WDR87: variants seen among roughly 807,000 people sequenced by gnomAD.
WDR87 encodes WD repeat domain 87, also known as WD repeat-containing protein 87.
Under a neutral mutation model 83.3 loss-of-function variants are expected in WDR87, and 56 were observed. That is an observed-to-expected ratio of 0.67 (90% CI 0.54 to 0.84). The LOEUF is 0.84. WDR87 is among the 40% of genes least tolerant of loss of function. The pLI is 0.00. For synonymous variants in WDR87, 1,173 were observed against 1,250.6 expected (o/e 0.94, Z 1.31); for missense variants, 2,939 against 3,431.9 (o/e 0.86, Z 3.59).
intron 2 of WDR87, 145 bp from the exon 3 acceptor site, chr19:37,896,453 T>C: frequency 3.8e-6 from 3 of 798,072 alleles, no homozygotes; most frequent in Non-Finnish European, 5.9e-6. Flanking sequence ...GTGCATAACT[T>C]ATCACCTGTG....
chr19:37,896,538 T>A (rs541994553), intron 2 of WDR87, among the ~76,000 whole-genome samples: 27 of 152,324 alleles, frequency 1.8e-4, no homozygotes, highest in African/African-American at 6.3e-4. Context: ...AGTCTCTGTG[T>A]GCAAATTTCA....
Position 37,888,590 on chromosome 19 carries a change from G to A in WDR87, c.5081C>T (p.Ala1694Val), listed in dbSNP as rs141440839. ...CTTCCTTTTCTGGGCCAATTTCTCCGCCTCCTGGCTTAGCTTCTCCCCTCT... is the reference window on the plus strand; with the variant it reads ...CTTCCTTTTCTGGGCCAATTTCTCCACCTCCTGGCTTAGCTTCTCCCCTCT... ...AQRGEKLSQE[A>V]EKLAQKRKKL... The change falls in exon 6 of 6, where the codon GCG (alanine) becomes GTG (valine). Residue 1694 changes from alanine to valine, a missense_variant. This residue lies in a region of WDR87 where 2,160 missense variants were observed against 2,533.1 expected (regional missense o/e 0.85). Coordinates refer to ENST00000447313, the MANE Select transcript of WDR87 (RefSeq NM_001291088.2). 1.3e-4 allele frequency: 205 copies of A among 1,551,436 alleles called. No individual in the cohort carries two copies. Among genetic ancestry groups the A allele is most frequent in the Non-Finnish European group, 1.6e-4 (181 of 1,146,976 alleles).
intron 1 of WDR87, among the ~76,000 whole-genome samples, chr19:37,905,098 GGCGCCTGCCTGTAATCCCA>G (rs2046315928): frequency 6.6e-6 from 1 of 152,030 alleles, no homozygotes; most frequent in South Asian, 2.1e-4. Flanking sequence ...TGGGTGTGAT[GGCGCCTGCCTGTAATCCCA>G]GCTACTTGGG....
intron 1 of WDR87, 62 bp from the exon 2 acceptor site, chr19:37,898,347 A>G (rs1342135939): frequency 6.7e-7 from 1 of 1,492,210 alleles, no homozygotes; most frequent in Admixed American, 2.5e-5. Flanking sequence ...TAGGAATCAG[A>G]AAGCAACAAC....
At chr19:37,902,623 A>T (rs1210591536) in intron 1 of WDR87, among the ~76,000 whole-genome samples, 1 of 152,250 alleles carries the variant, frequency 6.6e-6, no homozygotes, top group East Asian at 1.9e-4. Flanking sequence ...ATTCCTGCTG[A>T]CTGTGGAGAC....
Position 37,888,716 on chromosome 19 carries a change from T to C in WDR87, c.4955A>G (p.Glu1652Gly), listed in dbSNP as rs1331620077. Residue 1652 changes from glutamate to glycine, a missense_variant, in exon 6 of 6, where the codon GAG becomes GGG. By Grantham distance (98) the Glu-to-Gly change is moderately conservative (BLOSUM62 -2). Transcript: ENST00000447313. The stretch of plus-strand genomic sequence containing the variant: ...CACGTATGCCTGGGCCAGTTTTCTC[T>C]CTTCCTGGGCCAACTGTCTCTCTTC... ...AQEERQLAQEERKLAQAYVKI... is the reference protein window; with the variant it reads ...AQEERQLAQEGRKLAQAYVKI... 1.2e-5 allele frequency: 19 copies of C among 1,551,796 alleles called. No homozygotes were observed. The highest frequency in any genetic ancestry group is 1.6e-5 in the Non-Finnish European group (18 of 1,147,080).
intron 2 of WDR87, among the ~76,000 whole-genome samples, chr19:37,897,573 GCCT>G (rs755401037): frequency 5.9e-5 from 9 of 152,032 alleles, no homozygotes; most frequent in Non-Finnish European, 1.3e-4. Context: ...TTTCTCTGGT[GCCT>G]CCTCCCCTGT....
Position 37,889,326 on chromosome 19 carries a change from C to G in WDR87, c.4345G>C (p.Glu1449Gln). ...CTCTTTATTTTTCCTACTTTTCTTTCCTTCTGGACAGCTTTCCTCCCTTGC... is the reference window on the plus strand; with the variant it reads ...CTCTTTATTTTTCCTACTTTTCTTTGCTTCTGGACAGCTTTCCTCCCTTGC... ...PKQGRKAVQK[E>Q]RKVGKIKREM... Residue 1449 changes from glutamate to glutamine, a missense_variant, in exon 6 of 6, where the codon GAA becomes CAA. Physicochemically the swap from Glu to Gln is conservative, Grantham distance 29. Transcript: ENST00000447313. The G allele has an allele frequency of 6.4e-7, 1 of 1,551,940 alleles. No homozygotes were observed. Among genetic ancestry groups the G allele is most frequent in the Non-Finnish European group, 8.7e-7 (1 of 1,147,054 alleles).
chr19:37,905,836 T>C (rs942787898), intron 1 of WDR87, among the ~76,000 whole-genome samples: 1 of 152,158 alleles, frequency 6.6e-6, no homozygotes, highest in African/African-American at 2.4e-5. Context: ...ATATTTCTCT[T>C]AGCTAGTATT....
In WDR87 at chr19:37,894,094, A is replaced by G; in HGVS notation, c.1609T>C (p.Ser537Pro). Residue 537 changes from serine to proline, a missense_variant, in exon 4 of 6, where the codon TCA becomes CCA. By Grantham distance (74) the Ser-to-Pro change is moderately conservative. Transcript: ENST00000447313. ...TTGACCCCATCAAGCACAGCTTCTG[A>G]CAGGTGCACATAGTCATCCATTCCA... ...SYGMDDYVHL[S>P]EAVLDGVKVQ... 1 of 1,552,330 alleles carries G rather than the reference A, an allele frequency of 6.4e-7. No homozygotes were observed. The highest frequency in any genetic ancestry group is 8.7e-7 in the Non-Finnish European group (1 of 1,147,148).
Position 37,886,894 on chromosome 19 carries a change from C to T in WDR87, c.6777G>A (p.Val2259=), listed in dbSNP as rs776343434. The T allele has an allele frequency of 3.2e-6, 5 of 1,551,402 alleles. No homozygotes were observed. The South Asian group carries it at 3.6e-5, about 11-fold the overall frequency. The change falls in exon 6 of 6, where the codon GTG becomes GTA. Residue 2259 remains valine (V), a synonymous_variant. Transcript: ENST00000447313. The part of the protein sequence containing the change: ...KEKFSSQVDE[V]ESEEHFSEEM... The stretch of plus-strand genomic sequence containing the variant: ...CTTCAGAAAAATGCTCTTCACTTTC[C>T]ACTTCATCCACTTGACTGGAAAACT...
chr19:37,886,887 C>T lies in WDR87; in HGVS notation c.6784G>A (p.Glu2262Lys). 6.4e-7 allele frequency: 1 copy of T among 1,551,650 alleles called. No individual in the cohort carries two copies. Among genetic ancestry groups the T allele is most frequent in the East Asian group, 2.4e-5 (1 of 40,906 alleles). Reference sequence around the variant, plus strand: ...TCCATTTCTTCAGAAAAATGCTCTTCACTTTCCACTTCATCCACTTGACTG... The same window carrying T: ...TCCATTTCTTCAGAAAAATGCTCTTTACTTTCCACTTCATCCACTTGACTG... ...FSSQVDEVES[E>K]EHFSEEMESL... The change falls in exon 6 of 6, where the codon GAA (glutamate) becomes AAA (lysine). Residue 2262 changes from glutamate (E) to lysine (K), a missense_variant. This residue lies in a region of WDR87 where 2,160 missense variants were observed against 2,533.1 expected (regional missense o/e 0.85). Coordinates refer to ENST00000447313, the MANE Select transcript of WDR87 (RefSeq NM_001291088.2).
chr19:37,894,316 C>T lies in WDR87; in HGVS notation c.1387G>A (p.Ala463Thr). The T allele has an allele frequency of 1.3e-6, 2 of 1,551,754 alleles. No homozygotes were observed. The highest frequency in any genetic ancestry group is 1.7e-6 in the Non-Finnish European group (2 of 1,147,016). Residue 463 changes from alanine (A) to threonine (T), a missense_variant, in exon 4 of 6, where the codon GCT (alanine) becomes ACT (threonine). By Grantham distance (58) the Ala-to-Thr change is moderately conservative. Coordinates refer to ENST00000447313, the MANE Select transcript of WDR87 (RefSeq NM_001291088.2). ...CGCCCCAAGTTGAAATGCCCATAAGCCAGGCATTGTACAAAGTCCTGAGAA... is the reference window on the plus strand; with the variant it reads ...CGCCCCAAGTTGAAATGCCCATAAGTCAGGCATTGTACAAAGTCCTGAGAA... Reference protein sequence around the residue: ...PNSQDFVQCLAYGHFNLGRGL... With the variant: ...PNSQDFVQCLTYGHFNLGRGL...
At chr19:37,905,909 G>A (rs1414931060) in intron 1 of WDR87, among the ~76,000 whole-genome samples, 3 of 151,966 alleles carry the variant, frequency 2.0e-5, no homozygotes, top group Non-Finnish European at 2.9e-5. Flanking sequence ...ACTCCCTGAA[G>A]GTAGGAGTCC....
Position 37,891,808 on chromosome 19 carries a change from G to T in WDR87, c.3138C>A (p.Ile1046=), listed in dbSNP as rs1486179578. The T allele has an allele frequency of 6.4e-7, 1 of 1,551,834 alleles. No individual in the cohort carries two copies. Among genetic ancestry groups the T allele is most frequent in the African/African-American group, 1.4e-5 (1 of 73,092 alleles). ...ETFREMQQQM[I]GEEPLDHLLG... is the part of the protein sequence containing the mutation. ...GTAGATGGTCCAGGGGTTCCTCCCC[G>T]ATCATCTGCTGCCTATGAAAGTCAA... is the stretch of plus-strand genomic sequence containing the variant. Residue 1046 remains isoleucine (I), a synonymous_variant, in exon 5 of 6, where the codon ATC becomes ATA. Transcript: ENST00000447313.
chr19:37,886,810 C>T lies in WDR87; in HGVS notation c.6861G>A (p.Glu2287=). ...TTTCCTCTTCTTCCTCCCTTTCCTC[C>T]TCCTCCTCAGAAGACAAACTCTCTT... The part of the protein sequence containing the change: ...EKQESLSSEE[E]EEREEEEERE... Residue 2287 remains glutamate, a synonymous_variant, in exon 6 of 6, where the codon GAG becomes GAA. Transcript: ENST00000447313. 2 of 1,549,340 alleles carry T rather than the reference C, an allele frequency of 1.3e-6. No individual in the cohort carries two copies. Among genetic ancestry groups the T allele is most frequent in the African/African-American group, 1.4e-5 (1 of 72,874 alleles).
rs1250490694 is a variant in WDR87 at position 37,887,238 on chromosome 19, CAA to C, written c.6431_6432del (p.Phe2144CysfsTer2). On this transcript the variant is annotated frameshift_variant, in exon 6 of 6. Transcript: ENST00000447313. LOFTEE classifies it low-confidence loss of function (END_TRUNC). The stretch of plus-strand genomic sequence containing the variant: ...TCTATACTCAACCTGCGCTCCTTAA[CAA>C]AGAGTGCCCTCTTCATCTTTGTCAT... ...IKMTKMKRAL[F>X]VKERRLSIEQ... The C allele has an allele frequency of 9.0e-6, 14 of 1,551,734 alleles. No individual in the cohort carries two copies. Among genetic ancestry groups the C allele is most frequent in the Non-Finnish European group, 1.2e-5 (14 of 1,147,010 alleles).
At chr19:37,892,093 A>G (rs1404902405) in intron 4 of WDR87, among the ~76,000 whole-genome samples, 1 of 152,202 alleles carries the variant, frequency 6.6e-6, no homozygotes, top group Admixed American at 6.5e-5. Flanking sequence ...AAAGCAATGG[A>G]GAAAGGAGTG....
At chr19:37,896,680 G>C (rs113302915) in intron 2 of WDR87, among the ~76,000 whole-genome samples, 2 of 152,162 alleles carry the variant, frequency 1.3e-5, no homozygotes, top group Non-Finnish European at 2.9e-5. Flanking sequence ...ATGCAGTAGC[G>C]TGATCTCAGC....
Sources: allele counts gnomAD v4.1 joint callset (sites outside exome capture counted in the v4.1 genomes callset), GRCh38; gene constraint gnomAD v4.1.1; regional missense constraint gnomAD v4.1.1; transcripts MANE v1.5; gene names NCBI Gene and HGNC (gene_info 2026-07-23, HGNC 2026-07-21).